The following CNTNAP5 variants were observed in gnomAD, a reference collection of about 807,000 sequenced individuals.
CNTNAP5 encodes contactin-associated protein-like 5.
Under a neutral mutation model 150.2 loss-of-function variants are expected in CNTNAP5, and 72 were observed. The ratio of observed to expected loss-of-function variants is 0.48; its 90% CI spans 0.40 to 0.58. CNTNAP5 has a LOEUF of 0.58. Ranked by LOEUF, CNTNAP5 falls within the 20% of genes least tolerant of loss-of-function variation. The probability of loss-of-function intolerance (pLI) is 0.00; values close to 1 mark genes in which losing one functional copy is unlikely to be tolerated. For synonymous variants in CNTNAP5, 672 were observed against 619.8 expected, an observed-to-expected ratio of 1.08 and a Z score of -1.25; for missense variants, 1,636 against 1,626.2, an observed-to-expected ratio of 1.01 and a Z score of -0.10.
chr2:124,744,910 A>C (rs1573588352), intron 13 of CNTNAP5, among the ~76,000 whole-genome samples: 1 of 152,154 alleles, frequency 6.6e-6, no homozygotes, highest in Admixed American at 6.5e-5. Context: ...TCTAGCAATA[A>C]TCCTCCGGTT....
At chr2:124,791,235 G>T (rs943626882) in intron 18 of CNTNAP5, among the ~76,000 whole-genome samples, 5 of 152,166 alleles carry the variant, frequency 3.3e-5, no homozygotes, top group Non-Finnish European at 7.3e-5. Context: ...TATAGTTTGA[G>T]CCCTCCGTTC....
chr2:124,782,807 A>G (rs188234838), intron 17 of CNTNAP5, among the ~76,000 whole-genome samples: 1 of 152,264 alleles, frequency 6.6e-6, no homozygotes, highest in East Asian at 1.9e-4. Flanking sequence ...CAACAGTTCT[A>G]CTCCTAGGTA....
chr2:124,293,176 A>G (rs1290124027), intron 3 of CNTNAP5, among the ~76,000 whole-genome samples: 1 of 152,074 alleles, frequency 6.6e-6, no homozygotes, highest in Non-Finnish European at 1.5e-5. Flanking sequence ...CTTGAAAATC[A>G]TCTCTCATAT....
intron 13 of CNTNAP5, among the ~76,000 whole-genome samples, chr2:124,700,115 T>C (rs1231880133): frequency 6.6e-6 from 1 of 152,210 alleles, no homozygotes; most frequent in Non-Finnish European, 1.5e-5. Context: ...AACCACTCAA[T>C]AAATGGTCAT....
chr2:124,237,272 A>G, intron 2 of CNTNAP5, among the ~76,000 whole-genome samples: 1 of 152,182 alleles, frequency 6.6e-6, no homozygotes, highest in East Asian at 1.9e-4. Context: ...ATCGTTTTGC[A>G]GAGACTAGTA....
At chr2:124,761,283 T>G (rs1030776564) in intron 14 of CNTNAP5, among the ~76,000 whole-genome samples, 5 of 152,064 alleles carry the variant, frequency 3.3e-5, no homozygotes, top group African/African-American at 9.7e-5. Context: ...ACTCACAAAT[T>G]TAATTAAATC....
At chr2:124,171,459 G>A (rs1186700232) in intron 1 of CNTNAP5, among the ~76,000 whole-genome samples, 2 of 152,120 alleles carry the variant, frequency 1.3e-5, no homozygotes, top group Non-Finnish European at 2.9e-5. Flanking sequence ...TCCTGGATGG[G>A]CACCAAGAGT....
chr2:124,718,080 A>G (rs1037449431), intron 13 of CNTNAP5, among the ~76,000 whole-genome samples: 1 of 152,224 alleles, frequency 6.6e-6, no homozygotes, highest in Non-Finnish European at 1.5e-5. Flanking sequence ...CTTTCTAGAA[A>G]ATAAATGAGA....
intron 4 of CNTNAP5, 25 bp downstream of exon 4, chr2:124,417,615 C>T (rs183701800): frequency 1.9e-6 from 3 of 1,601,258 alleles, no homozygotes; most frequent in Non-Finnish European, 2.6e-6. Flanking sequence ...GTACCCTTTA[C>T]CATTGCTGAG....
At chr2:124,245,571 A>T (rs569645799) in intron 3 of CNTNAP5, among the ~76,000 whole-genome samples, 2 of 126,396 alleles carry the variant, frequency 1.6e-5, no homozygotes, top group Admixed American at 8.8e-5. Context: ...GAGAATATAT[A>T]CATATATATC....
At chr2:124,801,907 G>T (rs780584903) in intron 19 of CNTNAP5, among the ~76,000 whole-genome samples, 31 of 152,170 alleles carry the variant, frequency 2.0e-4, no homozygotes, top group African/African-American at 3.6e-4. Flanking sequence ...AAACCACAGG[G>T]TTTAAAGGGG....
rs1189345360 is a variant in CNTNAP5, at chr2:124,400,826, T to C, written c.382-16617T>C. 8.5e-5 allele frequency among the ~76,000 whole-genome samples: 13 copies of C among 152,172 alleles called. No individual in the cohort carries two copies. The East Asian group carries it at 2.5e-3, about 29-fold the overall frequency. On this transcript the variant is annotated intron_variant, in intron 3 of 23. Coordinates refer to ENST00000682447, the MANE Select transcript of CNTNAP5 (RefSeq NM_001367498.1). ...CAGTGCAGAGACAGAAATATAAATA[T>C]ATGACACTGTTGTCAACAGTCACTT...
At chr2:124,563,123 T>C (rs1307111729) in intron 10 of CNTNAP5, 94 bp from the exon 11 acceptor site, 1 of 728,262 alleles carries the variant, frequency 1.4e-6, no homozygotes. Flanking sequence ...TATCTACTAT[T>C]AATTGAGGCA....
chr2:124,164,968 G>A (rs1220140077), intron 1 of CNTNAP5, among the ~76,000 whole-genome samples: 1 of 152,104 alleles, frequency 6.6e-6, no homozygotes, highest in Non-Finnish European at 1.5e-5. Context: ...ACATTGTGGT[G>A]GAGCAGGTAG....
At chr2:124,086,043 T>C (rs949808035) in intron 1 of CNTNAP5, among the ~76,000 whole-genome samples, 6 of 152,192 alleles carry the variant, frequency 3.9e-5, no homozygotes, top group Admixed American at 1.3e-4. Flanking sequence ...CTCCTTGTTG[T>C]ATCAATCATG....
intron 8 of CNTNAP5, among the ~76,000 whole-genome samples, chr2:124,517,006 A>C (rs4555349): frequency 0.85 from 129,487 of 152,212 alleles, 55,246 homozygotes; most frequent in East Asian, 1. Context: ...TAGCCCACCC[A>C]TCCTCCACAT....
intron 3 of CNTNAP5, among the ~76,000 whole-genome samples, chr2:124,376,701 G>A (rs1690658144): frequency 6.6e-6 from 1 of 152,030 alleles, no homozygotes; most frequent in Non-Finnish European, 1.5e-5. Context: ...CCAATTTTGT[G>A]TGAGCATGTC....
intron 1 of CNTNAP5, among the ~76,000 whole-genome samples, chr2:124,211,744 C>T (rs949956256): frequency 3.3e-5 from 5 of 152,158 alleles, no homozygotes; most frequent in African/African-American, 1.2e-4. Context: ...TCAAGCCTAT[C>T]TTTCTAATCA....
chr2:124,526,193 TTAGAAGG>T (rs1402065659), intron 9 of CNTNAP5, among the ~76,000 whole-genome samples: 3 of 152,126 alleles, frequency 2.0e-5, no homozygotes, highest in Admixed American at 2.0e-4. Context: ...GACCCTGGGT[TTAGAAGG>T]TGAAGATGTA....
Sources: allele counts gnomAD v4.1 joint callset (sites outside exome capture counted in the v4.1 genomes callset), GRCh38; gene constraint gnomAD v4.1.1; transcripts MANE v1.5; gene names NCBI Gene and HGNC (gene_info 2026-07-23, HGNC 2026-07-21).